The following CCDC88B variants were observed in gnomAD, a reference collection of about 807,000 sequenced individuals.
CCDC88B encodes coiled-coil and HOOK domain protein 88B.
In CCDC88B, 138 loss-of-function variants were observed where a neutral mutation model predicts 183.7. The observed-to-expected ratio is 0.75, with a 90% confidence interval of 0.65 to 0.87. CCDC88B has a LOEUF of 0.87. CCDC88B is among the 40% of genes least tolerant of loss of function. The probability of loss-of-function intolerance (pLI) is 0.00; values close to 1 mark genes in which losing one functional copy is unlikely to be tolerated. For missense variants in CCDC88B, 1,822 were observed against 1,965.6 expected, an observed-to-expected ratio of 0.93 and a Z score of 1.38; for synonymous variants, 835 against 867.5, an observed-to-expected ratio of 0.96 and a Z score of 0.66.
intron 24 of CCDC88B, 58 bp downstream of exon 24, chr11:64,354,228 C>A: frequency 7.8e-7 from 1 of 1,276,070 alleles, no homozygotes; most frequent in Non-Finnish European, 1.0e-6. Flanking sequence ...CTGTCCCCCA[C>A]CTTGGCACCT....
At chr11:64,349,492 G>T (rs1229627374) in intron 15 of CCDC88B, 34 bp downstream of exon 15, 1 of 1,580,224 alleles carries the variant, frequency 6.3e-7, no homozygotes, top group South Asian at 1.1e-5. Flanking sequence ...AATGAGGGAG[G>T]CAGGGGTGTG....
intron 14 of CCDC88B, among the ~76,000 whole-genome samples, chr11:64,348,049 C>CAAA (rs551644268): frequency 2.0e-4 from 14 of 70,902 alleles, no homozygotes; most frequent in African/African-American, 8.1e-4. Context: ...GACTCCGTCT[C>CAAA]AAAAAAAAAA....
intron 26 of CCDC88B, chr11:64,356,545 C>G (rs552339481): frequency 6.4e-6 from 1 of 156,662 alleles, no homozygotes; most frequent in African/African-American, 2.4e-5. Context: ...TGCACTCCAG[C>G]GTTGGTGACA....
In CCDC88B at chr11:64,342,107, C is replaced by T; in HGVS notation, c.789C>T (p.Ala263=). The T allele has an allele frequency of 6.2e-7, 1 of 1,610,692 alleles. No homozygotes were observed. The highest frequency in any genetic ancestry group is 8.5e-7 in the Non-Finnish European group (1 of 1,179,100). Residue 263 remains alanine, a synonymous_variant, in exon 8 of 27, where the codon GCC becomes GCT. Transcript: ENST00000356786. ...ATCTGGCCCTGCAGCTGGCCAACGC[C>T]AAGGCTCAGCTGCGGCGTCTGCGGC... The part of the protein sequence containing the change: ...SHHLALQLAN[A]KAQLRRLRQE...
Position 64,351,540 on chromosome 11 carries a change from T to G in CCDC88B, c.3023T>G (p.Leu1008Arg). The G allele has an allele frequency of 6.4e-7, 1 of 1,572,136 alleles. No individual in the cohort carries two copies. The highest frequency in any genetic ancestry group is 8.6e-7 in the Non-Finnish European group (1 of 1,167,290). ...CAGCTGCAGCACCTGGAGGGGCAGC[T>G]GGGGAGCCTGCAGGGCCGTGCCCAG... ...QGQLQHLEGQ[L>R]GSLQGRAQEL... The change falls in exon 18 of 27, where the codon CTG (leucine) becomes CGG (arginine). Residue 1008 changes from leucine to arginine, a missense_variant. By Grantham distance (102) the Leu-to-Arg change is moderately radical. Coordinates refer to ENST00000356786, the MANE Select transcript of CCDC88B (RefSeq NM_032251.6).
At chr11:64,342,255 T>C in intron 8 of CCDC88B, 39 bp from the exon 9 acceptor site, 1 of 1,572,646 alleles carries the variant, frequency 6.4e-7, no homozygotes, top group Non-Finnish European at 8.6e-7. Flanking sequence ...CTGGGGGTTG[T>C]GGGCCCCCAG....
chr11:64,342,271 C>T (rs1325610823), intron 8 of CCDC88B, 23 bp from the exon 9 acceptor site: 1 of 1,574,434 alleles, frequency 6.4e-7, no homozygotes, highest in Admixed American at 1.9e-5. Flanking sequence ...CCCAGACCCT[C>T]CCTAGACTCC....
chr11:64,357,137 C>T lies in CCDC88B; in HGVS notation c.*43C>T, dbSNP rs1269758298. The T allele has an allele frequency of 7.4e-6, 12 of 1,611,018 alleles. No homozygotes were observed. The Admixed American group carries it at 1.2e-4, about 16-fold the overall frequency. On this transcript the variant is annotated 3_prime_UTR_variant, in exon 27 of 27. Coordinates refer to ENST00000356786, the MANE Select transcript of CCDC88B (RefSeq NM_032251.6). ...GCTTGGGAGTGCAGCCTTCTCGGCA[C>T]TGGAGTGTCAGCGGAGGCCCCAGGC...
At chr11:64,354,478 C>T (rs1565059539) in intron 24 of CCDC88B, among the ~76,000 whole-genome samples, 3 of 152,078 alleles carry the variant, frequency 2.0e-5, no homozygotes, top group African/African-American at 2.4e-5. Context: ...GATGAGGAGA[C>T]TGAGGCCCCG....
Position 64,355,240 on chromosome 11 carries a change from C to T in CCDC88B, c.4146C>T (p.Cys1382=). ...APMRRAQSSL[C]LRDETLAGGQ... is the part of the protein sequence containing the mutation. ...TGCGCCGGGCCCAGAGCTCCCTCTG[C>T]CTGCGGGATGAGACCTTGGCAGGCG... The change falls in exon 25 of 27, where the codon TGC becomes TGT. Residue 1382 remains cysteine (C), a synonymous_variant. Transcript: ENST00000356786. 2 of 1,532,168 alleles carry T rather than the reference C, an allele frequency of 1.3e-6. No homozygotes were observed. Among genetic ancestry groups the T allele is most frequent in the Non-Finnish European group, 8.7e-7 (1 of 1,143,566 alleles). The allele number at this position is 1,532,168 out of a possible 1,614,324, so 94.9% of individuals were successfully genotyped here. A position where few individuals can be genotyped will look rare whatever the true frequency, so the allele number is the denominator to read the frequency against.
chr11:64,345,149 C>T lies in CCDC88B; in HGVS notation c.2608C>T (p.Leu870Phe), dbSNP rs1361419527. The T allele has an allele frequency of 3.2e-6, 5 of 1,541,578 alleles. No individual in the cohort carries two copies. Among genetic ancestry groups the T allele is most frequent in the Admixed American group, 3.9e-5 (2 of 51,396 alleles). ...GAGGGAGCGCCGGGAGAAGGAGGCCCTCCAGGCGGTAGGTCAGGTTGGGGC... is the reference window on the plus strand; with the variant it reads ...GAGGGAGCGCCGGGAGAAGGAGGCCTTCCAGGCGGTAGGTCAGGTTGGGGC... ...AERERREKEALQAELEKAVVR... is the reference protein window; with the variant it reads ...AERERREKEAFQAELEKAVVR... The change falls in exon 14 of 27, where the codon CTC (leucine) becomes TTC (phenylalanine). Residue 870 changes from leucine to phenylalanine, a missense_variant. Leu to Phe is a conservative substitution (Grantham distance 22). Coordinates refer to ENST00000356786, the MANE Select transcript of CCDC88B (RefSeq NM_032251.6).
chr11:64,342,628 G>A lies in CCDC88B; in HGVS notation c.1010G>A (p.Arg337Lys). 1 of 1,526,512 alleles carries A rather than the reference G, an allele frequency of 6.6e-7. No homozygotes were observed. The highest frequency in any genetic ancestry group is 8.7e-7 in the Non-Finnish European group (1 of 1,143,460). The allele number at this position is 1,526,512 out of a possible 1,614,324, so 94.6% of individuals were successfully genotyped here. A position where few individuals can be genotyped will look rare whatever the true frequency, so the allele number is the denominator to read the frequency against. Reference sequence around the variant, plus strand: ...CTGCCCCGCCTGCAGGAGGAGCTGAGGCGCTGCCGCGAGCGGCTGCAGGCG... The same window carrying A: ...CTGCCCCGCCTGCAGGAGGAGCTGAAGCGCTGCCGCGAGCGGCTGCAGGCG... ...GRLPRLQEELRRCRERLQAAE... is the reference protein window; with the variant it reads ...GRLPRLQEELKRCRERLQAAE... Residue 337 changes from arginine to lysine, a missense_variant, in exon 10 of 27, where the codon AGG (arginine) becomes AAG (lysine). Arg to Lys is a conservative substitution (Grantham distance 26). Coordinates refer to ENST00000356786, the MANE Select transcript of CCDC88B (RefSeq NM_032251.6).
At position 64,357,461 on chromosome 11, in the gene CCDC88B, T is replaced by G; in HGVS notation, c.*367T>G. ...AAGCTGAGTCCCAGTGCTGGGGGAC[T>G]GTGGCCTGGGCTGATCTTGAGCCTT... On this transcript the variant is annotated 3_prime_UTR_variant, in exon 27 of 27. Coordinates refer to ENST00000356786, the MANE Select transcript of CCDC88B (RefSeq NM_032251.6). 1 of 716,854 alleles carries G rather than the reference T, an allele frequency of 1.4e-6. No homozygotes were observed. Among genetic ancestry groups the G allele is most frequent in the Non-Finnish European group, 2.6e-6 (1 of 384,750 alleles). The allele number at this position is 716,854 out of a possible 1,614,324, so 44.4% of individuals were successfully genotyped here. A position where few individuals can be genotyped will look rare whatever the true frequency, so the allele number is the denominator to read the frequency against.
Position 64,344,831 on chromosome 11 carries a change from C to G in CCDC88B, c.2290C>G (p.Arg764Gly), listed in dbSNP as rs140265709. Residue 764 changes from arginine to glycine, a missense_variant, in exon 14 of 27, where the codon CGC becomes GGC. By Grantham distance (125) the Arg-to-Gly change is moderately radical (BLOSUM62 -2). Transcript: ENST00000356786. The surrounding 1 kb of genome is among the most constrained non-coding windows in gnomAD (Gnocchi z 4.5). ...GGAGGCCCAAAACACGGAGGCTGCCCGCCTCTCCAAGGAGCTGGCCCAAGC... is the reference window on the plus strand; with the variant it reads ...GGAGGCCCAAAACACGGAGGCTGCCGGCCTCTCCAAGGAGCTGGCCCAAGC... ...KLEAQNTEAA[R>G]LSKELAQARR... is the part of the protein sequence containing the mutation. 3 of 1,611,996 alleles carry G rather than the reference C, an allele frequency of 1.9e-6. No homozygotes were observed. The highest frequency in any genetic ancestry group is 2.5e-6 in the Non-Finnish European group (3 of 1,179,318).
In CCDC88B at chr11:64,352,798, G is replaced by A; in HGVS notation, c.3411G>A (p.Leu1137=). Residue 1137 remains leucine (L), a synonymous_variant, in exon 20 of 27, where the codon CTG becomes CTA. Coordinates refer to ENST00000356786, the MANE Select transcript of CCDC88B (RefSeq NM_032251.6). ...GCGTGGAGGCACAGGAGGTGGCCCT[G>A]CTGGCAGAGCGTGAACGCCTGATGC... ...RASVEAQEVA[L]LAERERLMQD... is the part of the protein sequence containing the mutation. 1 of 1,613,434 alleles carries A rather than the reference G, an allele frequency of 6.2e-7. No individual in the cohort carries two copies. The highest frequency in any genetic ancestry group is 8.5e-7 in the Non-Finnish European group (1 of 1,179,964).
chr11:64,355,385 G>A lies in CCDC88B; in HGVS notation c.4291G>A (p.Val1431Ile), dbSNP rs369343230. The A allele has an allele frequency of 6.0e-5, 96 of 1,589,930 alleles. 1 individual carries two copies. Among genetic ancestry groups the A allele is most frequent in the Middle Eastern group, 3.3e-4 (2 of 5,990 alleles). ...QRHPGPLGAPVSHSKGPGVGW... is the reference protein window; with the variant it reads ...QRHPGPLGAPISHSKGPGVGW... ...CCATCCAGGCCCCCTGGGGGCGCCC[G>A]TCTCCCACAGCAAAGGTGAGGGACA... Residue 1431 changes from valine (V) to isoleucine (I), a missense_variant, in exon 25 of 27, where the codon GTC becomes ATC. Physicochemically the swap from Val to Ile is conservative, Grantham distance 29 (BLOSUM62 3). Coordinates refer to ENST00000356786, the MANE Select transcript of CCDC88B (RefSeq NM_032251.6).
chr11:64,352,605 C>T, intron 19 of CCDC88B, 139 bp from the exon 20 acceptor site: 1 of 1,392,530 alleles, frequency 7.2e-7, no homozygotes, highest in Non-Finnish European at 9.7e-7. Context: ...CCTGGCATGG[C>T]ATTCTGCCCA....
intron 11 of CCDC88B, 68 bp downstream of exon 11, chr11:64,343,393 G>C: frequency 6.5e-7 from 1 of 1,539,888 alleles, no homozygotes; most frequent in Non-Finnish European, 8.8e-7. Flanking sequence ...TTCCCTAGTG[G>C]TCCCTAGTGA....
intron 7 of CCDC88B, 30 bp downstream of exon 7, chr11:64,341,772 G>T (rs778596045): frequency 1.9e-6 from 3 of 1,542,958 alleles, no homozygotes; most frequent in Non-Finnish European, 1.7e-6. Flanking sequence ...CGTGGACTCA[G>T]GTTGGGGAAC....
Sources: allele counts gnomAD v4.1 joint callset (sites outside exome capture counted in the v4.1 genomes callset), GRCh38; gene constraint gnomAD v4.1.1; non-coding constraint Gnocchi (gnomAD v3.1); transcripts MANE v1.5; gene names NCBI Gene and HGNC (gene_info 2026-07-23, HGNC 2026-07-21).